KALRN: variants seen among roughly 807,000 people sequenced by gnomAD.
The protein encoded by KALRN is kalirin.
Under a neutral mutation model 353.7 loss-of-function variants are expected in KALRN, and 70 were observed. That is an observed-to-expected ratio of 0.20 (90% CI 0.16 to 0.24). The LOEUF is 0.24. KALRN is among the 10% of genes least tolerant of loss of function. The pLI, the probability that KALRN is intolerant of heterozygous loss-of-function variation, is 1.00. For synonymous variants in KALRN, 1,391 were observed against 1,434.8 expected (o/e 0.97, Z 0.69); for missense variants, 2,791 against 3,756.7 (o/e 0.74, Z 6.72).
chr3:124,040,447 T>C (rs927333302), intron 1 of KALRN, among the ~76,000 whole-genome samples: 4 of 151,976 alleles, frequency 2.6e-5, no homozygotes, highest in Non-Finnish European at 5.9e-5. Context: ...ATTTTTTTGG[T>C]GTCATAACTT....
chr3:124,466,967 C>T (rs936840101), intron 25 of KALRN, among the ~76,000 whole-genome samples: 2 of 152,190 alleles, frequency 1.3e-5, no homozygotes, highest in African/African-American at 2.4e-5. Context: ...CAACAATTAC[C>T]TGAAATAAAT....
At chr3:124,708,973 A>G in intron 57 of KALRN, among the ~76,000 whole-genome samples, 1 of 152,186 alleles carries the variant, frequency 6.6e-6, no homozygotes, top group East Asian at 1.9e-4. Flanking sequence ...AGCAGAACCA[A>G]CATCTTTAAA....
At chr3:124,465,638 A>C (rs770045713) in intron 25 of KALRN, among the ~76,000 whole-genome samples, 2 of 152,224 alleles carry the variant, frequency 1.3e-5, no homozygotes, top group Non-Finnish European at 2.9e-5. Flanking sequence ...TTCTTCAGAA[A>C]TACTTGTCCG....
chr3:124,471,637 G>C (rs545523716), intron 25 of KALRN, among the ~76,000 whole-genome samples: 61 of 152,064 alleles, frequency 4.0e-4, no homozygotes, highest in African/African-American at 1.5e-3. Flanking sequence ...CTCAGTTGTG[G>C]GAGGGGAAGA....
intron 51 of KALRN, among the ~76,000 whole-genome samples, chr3:124,687,730 A>T (rs569776958): frequency 2.6e-4 from 39 of 150,648 alleles, no homozygotes; most frequent in Non-Finnish European, 4.8e-4. Flanking sequence ...AAAAACAAGG[A>T]ATCAGTATCA....
At chr3:124,353,594 G>C (rs1295600647) in intron 10 of KALRN, among the ~76,000 whole-genome samples, 1 of 152,166 alleles carries the variant, frequency 6.6e-6, no homozygotes, top group Non-Finnish European at 1.5e-5. Flanking sequence ...AATATGCAGT[G>C]ATGCAGTGAC....
chr3:124,583,964 A>T (rs1412368882), intron 34 of KALRN, among the ~76,000 whole-genome samples: 3 of 152,214 alleles, frequency 2.0e-5, no homozygotes, highest in Admixed American at 2.0e-4. Flanking sequence ...GTTCAAGACT[A>T]GCTGGGGCAA....
chr3:124,276,953 G>A (rs536149922), intron 5 of KALRN, among the ~76,000 whole-genome samples: 17 of 152,176 alleles, frequency 1.1e-4, no homozygotes, highest in Admixed American at 2.0e-4. Context: ...ACACATGTGC[G>A]CATGCACACA....
intron 1 of KALRN, among the ~76,000 whole-genome samples, chr3:124,114,530 C>A (rs2063288842): frequency 6.6e-6 from 1 of 152,192 alleles, no homozygotes; most frequent in African/African-American, 2.4e-5. Flanking sequence ...GGAACTCAGG[C>A]TACTTGGCAC....
intron 1 of KALRN, among the ~76,000 whole-genome samples, chr3:124,085,377 T>G (rs942671046): frequency 2.6e-5 from 4 of 152,214 alleles, no homozygotes; most frequent in Non-Finnish European, 5.9e-5. Flanking sequence ...TCTAAGTGGC[T>G]GACAAATGAA....
intron 57 of KALRN, among the ~76,000 whole-genome samples, chr3:124,707,426 CTT>C: frequency 1.3e-5 from 2 of 150,424 alleles, no homozygotes; most frequent in African/African-American, 2.4e-5. Flanking sequence ...TCCTTCCTTC[CTT>C]CCTTCCTTCC....
chr3:124,044,127 G>C (rs1052277171), intron 1 of KALRN, among the ~76,000 whole-genome samples: 2 of 152,142 alleles, frequency 1.3e-5, no homozygotes, highest in African/African-American at 4.8e-5. Flanking sequence ...CAAAAGAGAA[G>C]ATGCCATACT....
At chr3:124,279,765 G>T (rs1444007775) in intron 5 of KALRN, among the ~76,000 whole-genome samples, 1 of 152,204 alleles carries the variant, frequency 6.6e-6, no homozygotes, top group African/African-American at 2.4e-5. Flanking sequence ...CTACATTCAG[G>T]CCTGGCCATG....
At chr3:124,705,068 G>C (rs1300783100) in intron 57 of KALRN, among the ~76,000 whole-genome samples, 5 of 152,208 alleles carry the variant, frequency 3.3e-5, no homozygotes, top group African/African-American at 1.2e-4. Flanking sequence ...GGGCACTTGA[G>C]TATGGCGTGT....
Position 124,326,181 on chromosome 3 carries a change from A to G in KALRN, c.1284+10A>G, listed in dbSNP as rs145799598. 1,518 of 1,604,072 alleles carry G rather than the reference A, an allele frequency of 9.5e-4. 14 individuals are homozygous for G. The African/African-American group carries it at 0.018, about 19-fold the overall frequency. ...CCAGAAGGCTGAGCAGGTAAGGTGC[A>G]GAAACCTGCAGCAGCTGCTGTTGGT... On this transcript the variant is annotated intron_variant, in intron 7 of 59. Transcript: ENST00000682506.
At chr3:124,694,274 G>A (rs1441066043) in intron 52 of KALRN, 58 bp from the exon 53 acceptor site, 5 of 1,537,538 alleles carry the variant, frequency 3.3e-6, no homozygotes, top group Non-Finnish European at 3.6e-6. Context: ...AAAACAAAAT[G>A]GCCATTTTAT....
intron 1 of KALRN, among the ~76,000 whole-genome samples, chr3:124,155,530 GT>G (rs2068851140): frequency 6.6e-6 from 1 of 152,158 alleles, no homozygotes; most frequent in Non-Finnish European, 1.5e-5. Flanking sequence ...CACAGACTAG[GT>G]TTAAATATCC....
chr3:124,253,933 T>C (rs1357135566), intron 3 of KALRN, among the ~76,000 whole-genome samples: 2 of 152,176 alleles, frequency 1.3e-5, no homozygotes, highest in East Asian at 3.8e-4. Flanking sequence ...CCACCTGCCA[T>C]CAGAATGGAT....
At chr3:124,626,751 C>A (rs2080001195) in intron 34 of KALRN, among the ~76,000 whole-genome samples, 1 of 152,200 alleles carries the variant, frequency 6.6e-6, no homozygotes, top group Admixed American at 6.5e-5. Context: ...ACATATAAAC[C>A]TTTAAGCAAC....
Sources: gnomAD v4.1 joint callset for allele counts (sites outside exome capture counted in the v4.1 genomes callset) on GRCh38, gnomAD v4.1.1 for gene constraint, MANE v1.5 for transcripts, NCBI Gene and HGNC (gene_info 2026-07-23, HGNC 2026-07-21) for gene names.